Variants in MLLT1 observed in about 807,000 individuals in gnomAD.
MLLT1 encodes protein ENL.
MLLT1 carries 11 observed loss-of-function variants against 55.1 expected under a neutral mutation model. That is an observed-to-expected ratio of 0.20 (90% CI 0.13 to 0.33). MLLT1 has a LOEUF of 0.33. Among genes scored for constraint, MLLT1 ranks in the 10% least tolerant of loss-of-function variants. MLLT1 has a pLI of 1.00. For missense variants in MLLT1, 536 were observed against 760.6 expected (o/e 0.70, Z 3.47); for synonymous variants, 323 against 320.1 (o/e 1.01, Z -0.10).
In MLLT1 at chr19:6,270,908, C is replaced by T. The variant is rs536104324; in HGVS notation, c.13-149G>A. On this transcript the variant is annotated intron_variant, in intron 1 of 11. Coordinates refer to ENST00000252674, the MANE Select transcript of MLLT1 (RefSeq NM_005934.4). The surrounding 1 kb of genome is among the most constrained non-coding windows in gnomAD (Gnocchi z 7.1). ...GCAGCACACAGACGGCTTCCTATCG[C>T]GCCAGCACCTTGCCGCAGACGTCCC... 209 of 735,030 alleles carry T rather than the reference C, an allele frequency of 2.8e-4. No homozygotes were observed. The African/African-American group carries it at 2.9e-3, about 10-fold the overall frequency. The allele number at this position is 735,030 out of a possible 1,614,324, so 45.5% of individuals were successfully genotyped here. A position where few individuals can be genotyped will look rare whatever the true frequency, so the allele number is the denominator to read the frequency against.
chr19:6,222,496 T>G lies in MLLT1; in HGVS notation c.735A>C (p.Pro245=). ...EGRLPKEEKA[P]PPKAAFKEPK... ...GTTCCTTGAAGGCAGCCTTGGGCGGTGGCGCCTTCTCCTCCTTGGGCAGCC... is the reference window on the plus strand; with the variant it reads ...GTTCCTTGAAGGCAGCCTTGGGCGGGGGCGCCTTCTCCTCCTTGGGCAGCC... The change falls in exon 6 of 12, where the codon CCA becomes CCC. Residue 245 remains proline, a synonymous_variant. Coordinates refer to ENST00000252674, the MANE Select transcript of MLLT1 (RefSeq NM_005934.4). This position sits in a 1 kb window ranked among gnomAD's most constrained non-coding sequence, Gnocchi z 4.1. 6.3e-7 allele frequency: 1 copy of G among 1,597,460 alleles called. No individual in the cohort carries two copies. Among genetic ancestry groups the G allele is most frequent in the Non-Finnish European group, 8.5e-7 (1 of 1,178,602 alleles).
At chr19:6,244,271 G>A (rs2091145864) in intron 3 of MLLT1, among the ~76,000 whole-genome samples, 1 of 151,434 alleles carries the variant, frequency 6.6e-6, no homozygotes, top group Non-Finnish European at 1.5e-5. Flanking sequence ...ACTGGGCCTA[G>A]ACTTGGTAAA....
At chr19:6,268,942 C>T (rs531625607) in intron 2 of MLLT1, among the ~76,000 whole-genome samples, 2 of 152,204 alleles carry the variant, frequency 1.3e-5, no homozygotes, top group African/African-American at 4.8e-5. Flanking sequence ...TGGTGGGGAA[C>T]AAAGGTGAAA....
chr19:6,214,113 CTGCCCCGCACGGAGTCGG>C, intron 8 of MLLT1, 75 bp from the exon 9 acceptor site: 1 of 945,528 alleles, frequency 1.1e-6, no homozygotes, highest in Non-Finnish European at 1.5e-6. Context: ...GCTCAAGCCT[CTGCCCCGCACGGAGTCGG>C]TGCCTGAGCC....
Position 6,270,554 on chromosome 19 carries a change from G to A in MLLT1, c.193+25C>T. The A allele has an allele frequency of 1.3e-6, 2 of 1,596,540 alleles. No individual in the cohort carries two copies. Among genetic ancestry groups the A allele is most frequent in the Admixed American group, 1.7e-5 (1 of 59,302 alleles). On this transcript the variant is annotated intron_variant, in intron 2 of 11. Transcript: ENST00000252674. The surrounding 1 kb of genome is among the most constrained non-coding windows in gnomAD (Gnocchi z 7.1). ...GAAGACAGATGGGTCCGTGCTGTGG[G>A]CACTCAGGGCTTGAGGCCACTCACC...
In MLLT1 at chr19:6,210,973, C is replaced by G; in HGVS notation, c.*2069G>C. The G allele has an allele frequency of 4.8e-6, 1 of 209,532 alleles. No homozygotes were observed. Among genetic ancestry groups the G allele is most frequent in the Non-Finnish European group, 9.3e-6 (1 of 107,694 alleles). The allele number at this position is 209,532 out of a possible 1,614,324, so 13.0% of individuals were successfully genotyped here. A position where few individuals can be genotyped will look rare whatever the true frequency, so the allele number is the denominator to read the frequency against. ...AGGCCTTGGAAACGGCAGGAAGGGC[C>G]AGACGCCACCACCGAGAGCAGGCGG... On this transcript the variant is annotated 3_prime_UTR_variant, in exon 12 of 12. Transcript: ENST00000252674. This position sits in a 1 kb window ranked among gnomAD's most constrained non-coding sequence, Gnocchi z 4.6.
intron 3 of MLLT1, among the ~76,000 whole-genome samples, chr19:6,233,045 A>G (rs2091027227): frequency 6.6e-6 from 1 of 152,092 alleles, no homozygotes; most frequent in Non-Finnish European, 1.5e-5. Flanking sequence ...CTTTATTCTC[A>G]GCCCTTTCCC....
intron 4 of MLLT1, among the ~76,000 whole-genome samples, chr19:6,228,644 G>A (rs897886758): frequency 6.6e-6 from 1 of 152,102 alleles, no homozygotes; most frequent in African/African-American, 2.4e-5. Context: ...CCCTCCTCCC[G>A]GGTCTCCCAG....
At chr19:6,215,167 G>A (rs541311110) in intron 8 of MLLT1, among the ~76,000 whole-genome samples, 10 of 152,350 alleles carry the variant, frequency 6.6e-5, no homozygotes, top group East Asian at 1.9e-4. Context: ...TCCCTGCCCC[G>A]GCAACGCAGG....
In MLLT1 at chr19:6,213,422, G is replaced by C; in HGVS notation, c.1480-14C>G. The C allele has an allele frequency of 6.2e-7, 1 of 1,604,764 alleles. No individual in the cohort carries two copies. The highest frequency in any genetic ancestry group is 1.1e-5 in the South Asian group (1 of 90,992). ...ATCCGTGTAGGCCTGGGGAGGGGGG[G>C]CAGGTCTCAGCAGCGTGTGGGGGCC... On this transcript the variant is annotated splice_polypyrimidine_tract_variant and intron_variant, in intron 10 of 11. Transcript: ENST00000252674.
intron 3 of MLLT1, among the ~76,000 whole-genome samples, chr19:6,236,640 G>A (rs1312919283): frequency 6.6e-6 from 1 of 152,206 alleles, no homozygotes; most frequent in African/African-American, 2.4e-5. Context: ...TGAGTCACGG[G>A]CACTGGGAAT....
rs780903299 is a variant in MLLT1, at chr19:6,230,557, G to A, written c.420+13C>T. The A allele has an allele frequency of 7.4e-6, 12 of 1,611,772 alleles. No individual in the cohort carries two copies. Among genetic ancestry groups the A allele is most frequent in the East Asian group, 4.5e-5 (2 of 44,898 alleles). On this transcript the variant is annotated intron_variant, in intron 4 of 11. Transcript: ENST00000252674. This position sits in a 1 kb window ranked among gnomAD's most constrained non-coding sequence, Gnocchi z 9.0. ...GAGCGGCCCCTTGGCGGGCAGGGGC[G>A]GGGCACACTCACCCCGCCGGCCCGC... is the stretch of plus-strand genomic sequence containing the variant.
At position 6,213,865 on chromosome 19, in the gene MLLT1, C is replaced by G. The variant is rs1021429449; in HGVS notation, c.1408-68G>C. The G allele has an allele frequency of 3.5e-4, 550 of 1,583,280 alleles. 1 individual carries two copies. Among genetic ancestry groups the G allele is most frequent in the Non-Finnish European group, 3.8e-4 (443 of 1,156,434 alleles). On this transcript the variant is annotated intron_variant, in intron 9 of 11. Coordinates refer to ENST00000252674, the MANE Select transcript of MLLT1 (RefSeq NM_005934.4). ...TCCCCAGCCCCGAAGGCCCCACAAA[C>G]CCTCCTAGGACAGCCCGGCCCAGGG...
chr19:6,250,579 T>G (rs2091204417), intron 3 of MLLT1, among the ~76,000 whole-genome samples: 1 of 152,250 alleles, frequency 6.6e-6, no homozygotes. Context: ...TCACTCATCA[T>G]GCCGAATACA....
rs529355697 is a variant in MLLT1 at position 6,226,305 on chromosome 19, G to T, written c.546+672C>A. Among the ~76,000 whole-genome samples, 1 of 152,312 alleles carries T rather than the reference G, an allele frequency of 6.6e-6. No homozygotes were observed. Among genetic ancestry groups the T allele is most frequent in the South Asian group, 2.1e-4 (1 of 4,824 alleles). On this transcript the variant is annotated intron_variant, in intron 5 of 11. Transcript: ENST00000252674. This position sits in a 1 kb window ranked among gnomAD's most constrained non-coding sequence, Gnocchi z 6.3. Reference sequence around the variant, plus strand: ...GTGGGCAGCTACAGAGGACTGGGGCGTGCTCAGGGGTTAAAGGGACACTGT... The same window carrying T: ...GTGGGCAGCTACAGAGGACTGGGGCTTGCTCAGGGGTTAAAGGGACACTGT...
intron 1 of MLLT1, among the ~76,000 whole-genome samples, chr19:6,277,717 A>T (rs1442835943): frequency 6.6e-6 from 1 of 152,090 alleles, no homozygotes; most frequent in Non-Finnish European, 1.5e-5. Context: ...GGCCTAGGAC[A>T]TCTCCCCCAG....
chr19:6,252,490 G>T (rs1233330748), intron 3 of MLLT1, among the ~76,000 whole-genome samples: 1 of 152,182 alleles, frequency 6.6e-6, no homozygotes, highest in African/African-American at 2.4e-5. Context: ...CAACCAATGG[G>T]TCAAAGAAGA....
chr19:6,257,201 T>A (rs907622220), intron 3 of MLLT1, among the ~76,000 whole-genome samples: 12 of 152,152 alleles, frequency 7.9e-5, no homozygotes, highest in African/African-American at 2.7e-4. Context: ...ATTTAAAACA[T>A]TCATGCAACA....
At chr19:6,221,255 C>T (rs565915352) in intron 6 of MLLT1, among the ~76,000 whole-genome samples, 48 of 152,326 alleles carry the variant, frequency 3.2e-4, no homozygotes, top group African/African-American at 1.1e-3. Context: ...AACCCTCATC[C>T]ATCCATTCAT....
Sources: allele counts gnomAD v4.1 joint callset (sites outside exome capture counted in the v4.1 genomes callset), GRCh38; gene constraint gnomAD v4.1.1; non-coding constraint Gnocchi (gnomAD v3.1); transcripts MANE v1.5; gene names NCBI Gene and HGNC (gene_info 2026-07-23, HGNC 2026-07-21).